Variants in PFKFB3 observed in about 807,000 individuals in gnomAD.
PFKFB3 encodes the protein 6-phosphofructo-2-kinase/fructose-2,6-bisphosphatase 3.
A neutral mutation model predicts 68.0 loss-of-function variants in PFKFB3; 33 were observed. The observed-to-expected ratio is 0.49, with a 90% CI of 0.37 to 0.65. PFKFB3 has a LOEUF of 0.65. PFKFB3 is among the 30% of genes least tolerant of loss of function. The pLI is 0.00. For synonymous variants in PFKFB3, 315 were observed against 288.2 expected, an observed-to-expected ratio of 1.09 and a Z score of -0.94; for missense variants, 586 against 712.2, an observed-to-expected ratio of 0.82 and a Z score of 2.02.
intron 1 of PFKFB3, among the ~76,000 whole-genome samples, chr10:6,167,870 C>T (rs1357205955): frequency 1.3e-5 from 2 of 152,218 alleles, no homozygotes; most frequent in Non-Finnish European, 2.9e-5. Flanking sequence ...CAGCCCAGCC[C>T]TAAGCGACAC....
rs760318737 is a variant in PFKFB3, at chr10:6,215,289, G to A, written c.271G>A (p.Asp91Asn). 11 of 1,613,806 alleles carry A rather than the reference G, an allele frequency of 6.8e-6. No homozygotes were observed. The East Asian group carries it at 1.6e-4, about 23-fold the overall frequency. ...QYSSYNFFRP[D>N]NEEAMKVRKQ... ...CAGCTCCTACAACTTCTTCCGCCCC[G>A]ACAATGAGGAAGCCATGAAAGTCCG... Residue 91 changes from aspartate (D) to asparagine (N), a missense_variant, in exon 3 of 15, where the codon GAC becomes AAC. Physicochemically the swap from Asp to Asn is conservative, Grantham distance 23. Transcript: ENST00000379775. The surrounding 1 kb of genome is among the most constrained non-coding windows in gnomAD (Gnocchi z 4.3).
At position 6,209,495 on chromosome 10, in the gene PFKFB3, A is replaced by T. The variant is rs573507444; in HGVS notation, c.77-4128A>T. Among the ~76,000 whole-genome samples the T allele has an allele frequency of 6.6e-5, 10 of 151,828 alleles. No individual in the cohort carries two copies. The South Asian group carries it at 1.9e-3, about 28-fold the overall frequency. ...ATAATTTTTTTTTTGTTTTTTTGAG[A>T]CAGAGTTTTGCTCTGTTTCCCAGGC... On this transcript the variant is annotated intron_variant, in intron 1 of 14. Coordinates refer to ENST00000379775, the MANE Select transcript of PFKFB3 (RefSeq NM_004566.4).
intron 1 of PFKFB3, among the ~76,000 whole-genome samples, chr10:6,212,506 G>A (rs1176820412): frequency 1.3e-5 from 2 of 152,134 alleles, no homozygotes; most frequent in African/African-American, 2.4e-5. Context: ...CCCTTCCCTC[G>A]GCAGGGCCCC....
At chr10:6,203,374 C>A in intron 1 of PFKFB3, 38 bp downstream of exon 1, 3 of 1,526,086 alleles carry the variant, frequency 2.0e-6, no homozygotes, top group Non-Finnish European at 2.7e-6. Context: ...GCAGGGCGGG[C>A]TGCGCCGGGC....
chr10:6,319,072 C>A, the PFKFB3 span, among the ~76,000 whole-genome samples: 1 of 152,114 alleles, frequency 6.6e-6, no homozygotes, highest in South Asian at 2.1e-4. Flanking sequence ...TCTAAAAGTG[C>A]CTTATCTGTT....
rs12218519 is a variant in PFKFB3 at position 6,229,645 on chromosome 10, G to A, written c.1516-3250G>A. Among the ~76,000 whole-genome samples, 17 of 152,304 alleles carry A rather than the reference G, an allele frequency of 1.1e-4. No homozygotes were observed. The highest frequency in any genetic ancestry group is 5.8e-4 in the East Asian group (3 of 5,184). On this transcript the variant is annotated intron_variant, in intron 14 of 14. Coordinates refer to ENST00000379775, the MANE Select transcript of PFKFB3 (RefSeq NM_004566.4). This position sits in a 1 kb window ranked among gnomAD's most constrained non-coding sequence, Gnocchi z 4.3. ...AGTGTCTGTGATGCGCGGGGCCAGC[G>A]TGCAGTGCTTCAGGATCTGGGCTTC...
intron 1 of PFKFB3, among the ~76,000 whole-genome samples, chr10:6,192,254 A>G (rs951249155): frequency 2.6e-5 from 4 of 151,040 alleles, no homozygotes; most frequent in African/African-American, 7.3e-5. Flanking sequence ...AGACCGTCCC[A>G]TTCTCTCATA....
intron 1 of PFKFB3, among the ~76,000 whole-genome samples, chr10:6,165,189 A>T (rs1391305509): frequency 1.3e-5 from 2 of 152,190 alleles, no homozygotes; most frequent in Non-Finnish European, 2.9e-5. Flanking sequence ...GTCCCTGGTT[A>T]ATCGAGAATG....
chr10:6,318,685 C>G, the PFKFB3 span, among the ~76,000 whole-genome samples: 1 of 152,184 alleles, frequency 6.6e-6, no homozygotes, highest in Non-Finnish European at 1.5e-5. Context: ...ATCCCAGGAG[C>G]CTCACAGATC....
chr10:6,216,273 T>C, intron 4 of PFKFB3, 82 bp downstream of exon 4: 1 of 1,302,960 alleles, frequency 7.7e-7, no homozygotes, highest in Non-Finnish European at 1.1e-6. Flanking sequence ...TACCGAGACC[T>C]GTGCCTCTGG....
At chr10:6,291,545 G>A in the PFKFB3 span, among the ~76,000 whole-genome samples, 2 of 140,034 alleles carry the variant, frequency 1.4e-5, no homozygotes, top group Admixed American at 7.4e-5. Flanking sequence ...GAATAAGTGA[G>A]ACTCTGTCTC....
intron 1 of PFKFB3, among the ~76,000 whole-genome samples, chr10:6,193,172 C>T (rs771985413): frequency 2.6e-5 from 4 of 152,136 alleles, no homozygotes; most frequent in African/African-American, 4.8e-5. Context: ...TAATGAGACC[C>T]CCTGTCTCTA....
At position 6,221,682 on chromosome 10, in the gene PFKFB3, C is replaced by T; in HGVS notation, c.1020C>T (p.Thr340=). 6.2e-7 allele frequency: 1 copy of T among 1,610,908 alleles called. No individual in the cohort carries two copies. Among genetic ancestry groups the T allele is most frequent in the Non-Finnish European group, 8.5e-7 (1 of 1,178,954 alleles). ...TGACCTACGAGGAGATCAGGGACAC[C>T]TACCCTGAGGAGTATGCGCTGCGGG... ...EELTYEEIRD[T]YPEEYALREQ... The change falls in exon 10 of 15, where the codon ACC becomes ACT. Residue 340 remains threonine (T), a synonymous_variant. Transcript: ENST00000379775.
chr10:6,150,539 A>C (rs1004331074), intron 1 of PFKFB3, among the ~76,000 whole-genome samples: 3 of 152,096 alleles, frequency 2.0e-5, no homozygotes, highest in African/African-American at 7.2e-5. Context: ...CACGAGAATC[A>C]CTTGAACCTA....
chr10:6,256,368 G>A (rs922194944), downstream of PFKFB3, among the ~76,000 whole-genome samples: 12 of 152,108 alleles, frequency 7.9e-5, no homozygotes, highest in Admixed American at 1.3e-4. Context: ...CTTCAGTTTC[G>A]TCATCCCTCA....
chr10:6,304,816 T>C, the PFKFB3 span, among the ~76,000 whole-genome samples: 14 of 148,474 alleles, frequency 9.4e-5, 1 homozygote, highest in East Asian at 2.6e-3. Flanking sequence ...CCACTATCTC[T>C]TACTATTTTA....
At chr10:6,238,490 AAAAAAAAAAAAAG>A (rs1340925243), downstream of PFKFB3, among the ~76,000 whole-genome samples, 1 of 70,466 alleles carries the variant, frequency 1.4e-5, no homozygotes, top group East Asian at 5.1e-4. Flanking sequence ...AAAAAAAAAA[AAAAAAAAAAAAAG>A]ATGTGAAGGA....
rs765835251 is a variant in PFKFB3, at chr10:6,232,989, T to C, written c.*47T>C. The C allele has an allele frequency of 4.7e-6, 7 of 1,494,120 alleles. No individual in the cohort carries two copies. In the East Asian group the frequency reaches 9.0e-5, roughly 19 times the overall value. 92.6% of individuals were successfully genotyped at this position (1,494,120 alleles called of 1,614,324 possible). A position where few individuals can be genotyped will look rare whatever the true frequency, so the allele number is the denominator to read the frequency against. ...CCATTTCCATTTCTGCAGCTTAGCT[T>C]GTGTCCTGCCCTCCGCCCGAGGCAA... On this transcript the variant is annotated 3_prime_UTR_variant, in exon 15 of 15. Transcript: ENST00000379775.
the PFKFB3 span, among the ~76,000 whole-genome samples, chr10:6,269,038 A>AG: frequency 2.6e-5 from 4 of 151,708 alleles, no homozygotes; most frequent in African/African-American, 7.3e-5. Flanking sequence ...AAAAAAAAAA[A>AG]AAAAAAAGTT....
Sources: allele counts gnomAD v4.1 joint callset (sites outside exome capture counted in the v4.1 genomes callset), GRCh38; gene constraint gnomAD v4.1.1; non-coding constraint Gnocchi (gnomAD v3.1); transcripts MANE v1.5; gene names NCBI Gene and HGNC (gene_info 2026-07-23, HGNC 2026-07-21).